Variants in COL6A6 observed in about 807,000 individuals in gnomAD.
COL6A6 encodes collagen alpha-6(VI) chain.
In COL6A6, 183 loss-of-function variants were observed where a neutral mutation model predicts 208.6. The ratio of observed to expected loss-of-function variants is 0.88; its 90% CI spans 0.78 to 0.99. The LOEUF (loss-of-function observed/expected upper bound fraction) is 0.99. Among genes scored for constraint, COL6A6 ranks in the 50% least tolerant of loss-of-function variants. The pLI, the probability that COL6A6 is intolerant of heterozygous loss-of-function variation, is 0.00. For missense variants in COL6A6, 2,816 were observed against 2,815.2 expected (o/e 1.00, Z -0.01); for synonymous variants, 973 against 1,011.8 (o/e 0.96, Z 0.73).
At chr3:130,600,988 GT>G (rs1202631086) in intron 20 of COL6A6, among the ~76,000 whole-genome samples, 2 of 151,998 alleles carry the variant, frequency 1.3e-5, no homozygotes, top group Non-Finnish European at 2.9e-5. Context: ...GTTTTGGTTT[GT>G]TTTTTATTTT....
intron 17 of COL6A6, among the ~76,000 whole-genome samples, chr3:130,594,078 C>T (rs888074992): frequency 6.6e-6 from 1 of 152,188 alleles, no homozygotes; most frequent in East Asian, 1.9e-4. Flanking sequence ...GAGTTCACCA[C>T]TGTGGCAAAT....
At chr3:130,547,008 G>T (rs2062522573) in intron 1 of COL6A6, among the ~76,000 whole-genome samples, 1 of 152,264 alleles carries the variant, frequency 6.6e-6, no homozygotes, top group African/African-American at 2.4e-5. Flanking sequence ...TTCCCCTAGT[G>T]GATCCTGCAT....
At chr3:130,623,427 C>G (rs2064795336) in intron 24 of COL6A6, among the ~76,000 whole-genome samples, 1 of 152,174 alleles carries the variant, frequency 6.6e-6, no homozygotes, top group African/African-American at 2.4e-5. Flanking sequence ...CCACTGCACT[C>G]CAGCCTGGGT....
intron 33 of COL6A6, among the ~76,000 whole-genome samples, chr3:130,655,566 A>G (rs1288305494): frequency 2.0e-5 from 3 of 152,192 alleles, no homozygotes; most frequent in Admixed American, 1.3e-4. Flanking sequence ...TTGCTGTGAG[A>G]GATCAATGGG....
intron 1 of COL6A6, among the ~76,000 whole-genome samples, chr3:130,523,985 G>T (rs1359024615): frequency 6.6e-6 from 1 of 151,936 alleles, no homozygotes; most frequent in African/African-American, 2.4e-5. Flanking sequence ...GTTATTCCCC[G>T]CTCCTCCGTG....
In COL6A6 at chr3:130,563,349, A is replaced by G. The variant is rs1197869963; in HGVS notation, c.346A>G (p.Arg116Gly). 2 of 1,614,024 alleles carry G rather than the reference A, an allele frequency of 1.2e-6. No individual in the cohort carries two copies. The highest frequency in any genetic ancestry group is 4.5e-5 in the East Asian group (2 of 44,880). The change falls in exon 3 of 37, where the codon AGG becomes GGG. Residue 116 changes from arginine to glycine, a missense_variant. By Grantham distance (125) the Arg-to-Gly change is moderately radical. Transcript: ENST00000358511. ...QIGKALQEAH[R>G]TYFSAPANGR... is the part of the protein sequence containing the mutation. ...AGGAAAGGCTCTTCAGGAGGCTCAC[A>G]GGACTTATTTCTCTGCACCCGCAAA...
chr3:130,571,461 A>G (rs547845624), intron 7 of COL6A6, 68 bp downstream of exon 7: 10 of 1,194,174 alleles, frequency 8.4e-6, no homozygotes, highest in East Asian at 7.5e-5. Flanking sequence ...AAGCAAAGCA[A>G]TGGCTCTCAG....
chr3:130,639,022 T>C (rs1387633176), intron 28 of COL6A6, among the ~76,000 whole-genome samples: 3 of 152,206 alleles, frequency 2.0e-5, no homozygotes, highest in African/African-American at 7.2e-5. Flanking sequence ...TTTCTTGCCC[T>C]TTATGTTCTC....
chr3:130,647,992 C>CTAA (rs1247111769), intron 32 of COL6A6, among the ~76,000 whole-genome samples: 1 of 152,176 alleles, frequency 6.6e-6, no homozygotes, highest in African/African-American at 2.4e-5. Context: ...ATGGCAGGGA[C>CTAA]TAATAACTTA....
At chr3:130,588,397 T>G (rs775313257) in intron 11 of COL6A6, among the ~76,000 whole-genome samples, 1 of 152,252 alleles carries the variant, frequency 6.6e-6, no homozygotes, top group East Asian at 1.9e-4. Context: ...TAAAGCAATA[T>G]GTCATCTATT....
chr3:130,518,658 C>T (rs1553765906), intron 1 of COL6A6, among the ~76,000 whole-genome samples: 1 of 152,204 alleles, frequency 6.6e-6, no homozygotes, highest in Non-Finnish European at 1.5e-5. Flanking sequence ...AGGCATGAGC[C>T]ACCATGCCCG....
intron 24 of COL6A6, among the ~76,000 whole-genome samples, chr3:130,625,441 A>C (rs1181587709): frequency 6.6e-6 from 1 of 152,202 alleles, no homozygotes; most frequent in Non-Finnish European, 1.5e-5. Flanking sequence ...CATTATCTCA[A>C]CCAGAAGATC....
chr3:130,546,179 A>T (rs146252060), intron 1 of COL6A6, among the ~76,000 whole-genome samples: 384 of 152,302 alleles, frequency 2.5e-3, no homozygotes, highest in African/African-American at 8.7e-3. Context: ...CAGTTCTTAA[A>T]GATGGTGTGT....
intron 28 of COL6A6, among the ~76,000 whole-genome samples, chr3:130,638,855 A>G (rs1365732115): frequency 6.6e-6 from 1 of 152,204 alleles, no homozygotes; most frequent in African/African-American, 2.4e-5. Context: ...ACCTTATTGC[A>G]TAATTTCTCT....
chr3:130,628,300 G>C (rs1008312073), intron 26 of COL6A6, among the ~76,000 whole-genome samples: 22 of 152,154 alleles, frequency 1.4e-4, no homozygotes, highest in African/African-American at 4.3e-4. Context: ...TATGGCATTG[G>C]AACATTAGCC....
chr3:130,656,238 C>G (rs74638226), intron 33 of COL6A6, among the ~76,000 whole-genome samples: 5,023 of 152,318 alleles, frequency 0.033, 247 homozygotes, highest in East Asian at 0.1. Flanking sequence ...TTTAGCTCTA[C>G]CATTCAGTGG....
rs368549129 is a variant in COL6A6 at position 130,644,972 on chromosome 3, C to T, written c.5228-19C>T. The T allele has an allele frequency of 6.8e-6, 11 of 1,609,866 alleles. No individual in the cohort carries two copies. The highest frequency in any genetic ancestry group is 1.7e-5 in the Admixed American group (1 of 60,000). On this transcript the variant is annotated intron_variant, in intron 31 of 36. Coordinates refer to ENST00000358511, the MANE Select transcript of COL6A6 (RefSeq NM_001102608.3). ...TCCTACCAAATAATAATCCAATCTC[C>T]TTTGTTCTTCTTCCCCAGCTGGCAG...
chr3:130,609,105 A>C lies in COL6A6; in HGVS notation c.4752+141A>C, dbSNP rs2064274930. ...TCTCATGGTAATAAAGTAAGGAAGC[A>C]ACACAGTTTGGACTCATGCAGCACT... On this transcript the variant is annotated intron_variant, in intron 22 of 36. Transcript: ENST00000358511. 9 of 666,334 alleles carry C rather than the reference A, an allele frequency of 1.4e-5. No homozygotes were observed. In the South Asian group the frequency reaches 1.6e-4, roughly 12 times the overall value. The allele number at this position is 666,334 out of a possible 1,614,324, so 41.3% of individuals were successfully genotyped here. A position where few individuals can be genotyped will look rare whatever the true frequency, so the allele number is the denominator to read the frequency against.
At chr3:130,647,715 C>T (rs2065501745) in intron 32 of COL6A6, among the ~76,000 whole-genome samples, 1 of 152,194 alleles carries the variant, frequency 6.6e-6, no homozygotes, top group Non-Finnish European at 1.5e-5. Context: ...CTACGTGAGC[C>T]CCAGCAAGTC....
Sources: gnomAD v4.1 joint callset for allele counts (sites outside exome capture counted in the v4.1 genomes callset) on GRCh38, gnomAD v4.1.1 for gene constraint, MANE v1.5 for transcripts, NCBI Gene and HGNC (gene_info 2026-07-23, HGNC 2026-07-21) for gene names.